LRFN2: variants seen among roughly 807,000 people sequenced by gnomAD.
LRFN2 encodes the protein leucine rich repeat and fibronectin type III domain containing 2.
LRFN2 carries 18 observed loss-of-function variants against 37.3 expected under a neutral mutation model. The ratio of observed to expected loss-of-function variants is 0.48; its 90% CI spans 0.33 to 0.72. The LOEUF (loss-of-function observed/expected upper bound fraction) is 0.72. LRFN2 is among the 30% of genes least tolerant of loss of function. The probability of loss-of-function intolerance (pLI) is 0.02; values close to 1 mark genes in which losing one functional copy is unlikely to be tolerated. For missense variants in LRFN2, 1,006 were observed against 1,060.7 expected, an observed-to-expected ratio of 0.95 and a Z score of 0.72; for synonymous variants, 556 against 466.6, an observed-to-expected ratio of 1.19 and a Z score of -2.47.
chr6:40,469,417 C>T (rs920591395), intron 1 of LRFN2, among the ~76,000 whole-genome samples: 1 of 152,196 alleles, frequency 6.6e-6, no homozygotes, highest in African/African-American at 2.4e-5. Flanking sequence ...GACAGGAAAC[C>T]TCCTATCCTG....
intron 2 of LRFN2, 105 bp from the exon 3 acceptor site, chr6:40,393,017 G>A: frequency 2.7e-6 from 2 of 737,592 alleles, no homozygotes; most frequent in South Asian, 1.8e-5. Flanking sequence ...TGGGGAGGGG[G>A]AGGGGAGGGA....
At chr6:40,515,752 G>C (rs987629840) in intron 1 of LRFN2, among the ~76,000 whole-genome samples, 2 of 152,046 alleles carry the variant, frequency 1.3e-5, no homozygotes, top group African/African-American at 4.8e-5. Context: ...AATTAGCCAG[G>C]CGTGGTGCCA....
chr6:40,396,526 C>T (rs1341024274), intron 2 of LRFN2, among the ~76,000 whole-genome samples: 2 of 152,150 alleles, frequency 1.3e-5, no homozygotes, highest in Admixed American at 1.3e-4. Context: ...GGAGGTGTAA[C>T]AAGGCAAGGC....
At chr6:40,570,732 C>T (rs988474943) in intron 1 of LRFN2, among the ~76,000 whole-genome samples, 3 of 152,134 alleles carry the variant, frequency 2.0e-5, no homozygotes, top group Non-Finnish European at 4.4e-5. Context: ...ATCTGAAGGA[C>T]GAGTAGTGTC....
chr6:40,581,111 G>A (rs568491514), intron 1 of LRFN2, among the ~76,000 whole-genome samples: 3 of 152,058 alleles, frequency 2.0e-5, no homozygotes, highest in Non-Finnish European at 4.4e-5. Context: ...CATTCCAAAC[G>A]AAACCCAGTT....
chr6:40,457,041 C>G (rs1764249645), intron 1 of LRFN2, among the ~76,000 whole-genome samples: 1 of 152,114 alleles, frequency 6.6e-6, no homozygotes, highest in African/African-American at 2.4e-5. Context: ...CAAACCACCT[C>G]CCCTGCACCC....
At chr6:40,471,396 T>C (rs1375636509) in intron 1 of LRFN2, among the ~76,000 whole-genome samples, 1 of 152,172 alleles carries the variant, frequency 6.6e-6, no homozygotes, top group African/African-American at 2.4e-5. Flanking sequence ...AGGGATGCTG[T>C]CATATTGTCA....
intron 2 of LRFN2, among the ~76,000 whole-genome samples, chr6:40,418,978 G>A (rs934305286): frequency 2.0e-5 from 3 of 152,108 alleles, no homozygotes; most frequent in Non-Finnish European, 2.9e-5. Context: ...TCAGCATCCC[G>A]GAGAGAATGT....
chr6:40,416,944 T>TG (rs1394342404), intron 2 of LRFN2, among the ~76,000 whole-genome samples: 2 of 152,172 alleles, frequency 1.3e-5, no homozygotes, highest in African/African-American at 4.8e-5. Flanking sequence ...CTAGTCAGGG[T>TG]GGGGAAGAAT....
intron 1 of LRFN2, among the ~76,000 whole-genome samples, chr6:40,468,786 T>C (rs1764528804): frequency 6.6e-6 from 1 of 152,092 alleles, no homozygotes. Flanking sequence ...CCTTACCCCA[T>C]CTCCTCATGC....
chr6:40,449,437 G>A (rs541062664), intron 1 of LRFN2, among the ~76,000 whole-genome samples: 385 of 152,324 alleles, frequency 2.5e-3, no homozygotes, highest in Middle Eastern at 6.8e-3. Flanking sequence ...TCTAACCAAA[G>A]GGTTGTGAGT....
chr6:40,436,404 G>T (rs1171395181), intron 1 of LRFN2, among the ~76,000 whole-genome samples: 1 of 152,186 alleles, frequency 6.6e-6, no homozygotes, highest in African/African-American at 2.4e-5. Context: ...AGCCATTGCT[G>T]CATATAACAC....
chr6:40,519,324 A>G (rs909982), intron 1 of LRFN2, among the ~76,000 whole-genome samples: 87,106 of 152,024 alleles, frequency 0.57, 25,332 homozygotes, highest in Middle Eastern at 0.68. Context: ...CAGTGGGACT[A>G]GGACTCAAAC....
At chr6:40,523,506 T>TA (rs1491120646) in intron 1 of LRFN2, among the ~76,000 whole-genome samples, 1 of 13,650 alleles carries the variant, frequency 7.3e-5, no homozygotes, top group Non-Finnish European at 1.2e-4. Flanking sequence ...CTTTAGGTGA[T>TA]TTTTTTTTTT....
chr6:40,487,152 T>A (rs533329068), intron 1 of LRFN2, among the ~76,000 whole-genome samples: 1 of 152,290 alleles, frequency 6.6e-6, no homozygotes, highest in East Asian at 1.9e-4. Context: ...TGCCAGGGAT[T>A]AATTCTGGGT....
chr6:40,545,257 T>G (rs570719082), intron 1 of LRFN2, among the ~76,000 whole-genome samples: 1 of 152,322 alleles, frequency 6.6e-6, no homozygotes, highest in East Asian at 1.9e-4. Context: ...ACTGAGCAGT[T>G]ATAAACTCTT....
At chr6:40,431,676 A>C in intron 2 of LRFN2, 38 bp downstream of exon 2, 1 of 1,485,784 alleles carries the variant, frequency 6.7e-7, no homozygotes, top group Non-Finnish European at 9.0e-7. Flanking sequence ...TTCCCCAGCC[A>C]GACACCCTCC....
intron 1 of LRFN2, among the ~76,000 whole-genome samples, chr6:40,554,105 C>T (rs1347920893): frequency 3.9e-5 from 6 of 152,222 alleles, no homozygotes; most frequent in Non-Finnish European, 7.3e-5. Context: ...GGAACCAGGG[C>T]TTCTTTGCTG....
In LRFN2 at chr6:40,548,499, A is replaced by G. The variant is rs149566978; in HGVS notation, c.-19+38442T>C. 4.8e-3 allele frequency among the ~76,000 whole-genome samples: 726 copies of G among 152,298 alleles called. 29 individuals carry two copies. Among genetic ancestry groups the G allele is most frequent in the Admixed American group, 0.042 (639 of 15,300 alleles). Reference sequence around the variant, plus strand: ...CCTTACAAGTTATTTTGAGGCTCCAATGCACATTGCAGGACTCAATAAATG... The same window carrying G: ...CCTTACAAGTTATTTTGAGGCTCCAGTGCACATTGCAGGACTCAATAAATG... On this transcript the variant is annotated intron_variant, in intron 1 of 2. Transcript: ENST00000338305.
Sources: allele counts gnomAD v4.1 joint callset (sites outside exome capture counted in the v4.1 genomes callset), GRCh38; gene constraint gnomAD v4.1.1; transcripts MANE v1.5; gene names NCBI Gene and HGNC (gene_info 2026-07-23, HGNC 2026-07-21).